The following COL9A1 variants were observed in gnomAD, a reference collection of about 807,000 sequenced individuals.
COL9A1 encodes the protein collagen type IX alpha 1 chain.
Under a neutral mutation model 142.6 loss-of-function variants are expected in COL9A1, and 104 were observed. The observed-to-expected ratio is 0.73, with a 90% CI of 0.62 to 0.86. The LOEUF (loss-of-function observed/expected upper bound fraction) is 0.86. COL9A1 is among the 40% of genes least tolerant of loss of function. The pLI, the probability that COL9A1 is intolerant of heterozygous loss-of-function variation, is 0.00. For missense variants in COL9A1, 1,210 were observed against 1,176.6 expected (o/e 1.03, Z -0.42); for synonymous variants, 466 against 396.0 (o/e 1.18, Z -2.10).
At chr6:70,273,639 G>T (rs149009988) in intron 12 of COL9A1, among the ~76,000 whole-genome samples, 1 of 152,030 alleles carries the variant, frequency 6.6e-6, no homozygotes, top group Non-Finnish European at 1.5e-5. Context: ...CTGATTAGTC[G>T]ATATTTCATT....
intron 5 of COL9A1, among the ~76,000 whole-genome samples, chr6:70,292,233 C>T (rs16868971): frequency 0.17 from 26,246 of 151,990 alleles, 3,263 homozygotes; most frequent in East Asian, 0.46. Flanking sequence ...CATCATCAGC[C>T]AATGAGGAAT....
At position 70,255,007 on chromosome 6, in the gene COL9A1, C is replaced by G; in HGVS notation, c.1621G>C (p.Gly541Arg). 1.2e-6 allele frequency: 2 copies of G among 1,614,214 alleles called. No individual in the cohort carries two copies. Among genetic ancestry groups the G allele is most frequent in the Non-Finnish European group, 1.7e-6 (2 of 1,180,030 alleles). ...PGPKGDTGLPGVDGRDGIPGM... is the reference protein window; with the variant it reads ...PGPKGDTGLPRVDGRDGIPGM... Reference sequence around the variant, plus strand: ...GGGATCCCATCACGGCCATCCACACCTGGCAAACCCTAAACACACACAAAG... The same window carrying G: ...GGGATCCCATCACGGCCATCCACACGTGGCAAACCCTAAACACACACAAAG... Residue 541 changes from glycine (G) to arginine (R), a missense_variant, in exon 24 of 38, where the codon GGT becomes CGT. By Grantham distance (125) the Gly-to-Arg change is moderately radical. Coordinates refer to ENST00000357250, the MANE Select transcript of COL9A1 (RefSeq NM_001851.6).
chr6:70,273,413 A>G (rs775449952), intron 12 of COL9A1, among the ~76,000 whole-genome samples: 8 of 152,186 alleles, frequency 5.3e-5, no homozygotes, highest in Non-Finnish European at 8.8e-5. Context: ...TATAATGGAA[A>G]AGTTGACATG....
At chr6:70,283,249 A>G in intron 6 of COL9A1, 2 of 1,445,334 alleles carry the variant, frequency 1.4e-6, no homozygotes, top group Non-Finnish European at 1.8e-6. Flanking sequence ...GGGTCCTGGG[A>G]TTGGAGGAGA....
At chr6:70,274,674 T>G in intron 11 of COL9A1, 45 bp downstream of exon 11, 2 of 1,487,268 alleles carry the variant, frequency 1.3e-6, no homozygotes, top group Non-Finnish European at 1.9e-6. Flanking sequence ...AAAATTATAC[T>G]TCAGCATTTT....
chr6:70,300,442 A>G (rs901637577), intron 2 of COL9A1, 56 bp from the exon 3 acceptor site: 44 of 661,688 alleles, frequency 6.6e-5, no homozygotes, highest in Non-Finnish European at 4.4e-5. Context: ...AAAGTATAAT[A>G]ATAATAAAAT....
intron 37 of COL9A1, among the ~76,000 whole-genome samples, chr6:70,223,849 G>T (rs1027775505): frequency 3.3e-5 from 5 of 152,180 alleles, no homozygotes; most frequent in African/African-American, 1.2e-4. Flanking sequence ...GAAGGTTACC[G>T]AGGTTGAGAC....
intron 28 of COL9A1, among the ~76,000 whole-genome samples, chr6:70,248,044 A>G (rs779394566): frequency 1.3e-5 from 2 of 152,230 alleles, no homozygotes; most frequent in African/African-American, 2.4e-5. Flanking sequence ...GTACATCAGC[A>G]TGAAACTCAT....
chr6:70,254,575 T>C (rs1213068868), intron 24 of COL9A1, 46 bp from the exon 25 acceptor site: 3 of 1,580,316 alleles, frequency 1.9e-6, no homozygotes, highest in Non-Finnish European at 2.6e-6. Context: ...TATGAGCTGC[T>C]GTATTTCTTT....
intron 28 of COL9A1, among the ~76,000 whole-genome samples, chr6:70,250,464 A>C (rs949105690): frequency 2.0e-5 from 3 of 152,196 alleles, no homozygotes; most frequent in African/African-American, 7.2e-5. Context: ...AAGCAAAAGA[A>C]AAGAATAAAA....
rs1771328445 is a variant in COL9A1, at chr6:70,256,817, G to T, written c.1454C>A (p.Ala485Asp). 1 of 1,613,232 alleles carries T rather than the reference G, an allele frequency of 6.2e-7. No individual in the cohort carries two copies. Among genetic ancestry groups the T allele is most frequent in the South Asian group, 1.1e-5 (1 of 91,020 alleles). The part of the protein sequence containing the change: ...GIVGDKGEKG[A>D]RGLDGEPGPQ... ...CCCAGGTTCACCATCTAAGCCCCGA[G>T]CACCCTGCAAAAAAACAAGACAATG... The change falls in exon 21 of 38, where the codon GCT (alanine) becomes GAT (aspartate). Residue 485 changes from alanine (A) to aspartate (D), a missense_variant. Physicochemically the swap from Ala to Asp is moderately radical, Grantham distance 126. Coordinates refer to ENST00000357250, the MANE Select transcript of COL9A1 (RefSeq NM_001851.6).
chr6:70,260,922 C>T, intron 19 of COL9A1: 1 of 484,578 alleles, frequency 2.1e-6, no homozygotes, highest in Non-Finnish European at 3.6e-6. Context: ...ATTCTGAAGT[C>T]TTACACAAAA....
chr6:70,299,327 G>A (rs1254349169), intron 4 of COL9A1, among the ~76,000 whole-genome samples: 1 of 151,656 alleles, frequency 6.6e-6, no homozygotes, highest in Non-Finnish European at 1.5e-5. Flanking sequence ...TCTACTAAAG[G>A]AATTTTAATT....
chr6:70,242,069 G>A, intron 29 of COL9A1, 34 bp from the exon 30 acceptor site: 1 of 1,549,342 alleles, frequency 6.5e-7, no homozygotes, highest in Non-Finnish European at 8.8e-7. Context: ...CGGAGTTACT[G>A]TCACTGCAAC....
At chr6:70,240,996 C>T (rs1770223425) in intron 31 of COL9A1, among the ~76,000 whole-genome samples, 2 of 152,130 alleles carry the variant, frequency 1.3e-5, no homozygotes, top group South Asian at 2.1e-4. Flanking sequence ...TTATAATTGG[C>T]CCTTGAAATA....
intron 2 of COL9A1, among the ~76,000 whole-genome samples, chr6:70,301,509 G>A (rs1054823225): frequency 2.0e-5 from 3 of 152,158 alleles, no homozygotes; most frequent in Non-Finnish European, 2.9e-5. Flanking sequence ...CCTGGGAGGC[G>A]GAGGTTGCAG....
rs677152 is a variant in COL9A1, at chr6:70,281,927, C to G, written c.802-463G>C. Among the ~76,000 whole-genome samples the G allele has an allele frequency of 7.3e-3, 1,111 of 151,996 alleles. 10 individuals carry two copies. The highest frequency in any genetic ancestry group is 0.01 in the Middle Eastern group (3 of 292). On this transcript the variant is annotated intron_variant, in intron 7 of 37. Transcript: ENST00000357250. ...ATCTTTGTCCAGTAGAATGGGGAGG[C>G]GGGGCGTACACTTGAGGAAAAGATT... is the stretch of plus-strand genomic sequence containing the variant.
At chr6:70,273,663 G>C (rs1772549837) in intron 12 of COL9A1, among the ~76,000 whole-genome samples, 1 of 152,228 alleles carries the variant, frequency 6.6e-6, no homozygotes, top group Admixed American at 6.5e-5. Flanking sequence ...GATAAAACCA[G>C]TTGTGAAGAA....
At chr6:70,238,018 T>A (rs992037075) in intron 33 of COL9A1, among the ~76,000 whole-genome samples, 1 of 152,206 alleles carries the variant, frequency 6.6e-6, no homozygotes, top group African/African-American at 2.4e-5. Flanking sequence ...GTTCTAGGTA[T>A]GTAGGAGATG....
Sources: allele counts gnomAD v4.1 joint callset (sites outside exome capture counted in the v4.1 genomes callset), GRCh38; gene constraint gnomAD v4.1.1; transcripts MANE v1.5; gene names NCBI Gene and HGNC (gene_info 2026-07-23, HGNC 2026-07-21).